Variants in PHLPP1 observed in about 807,000 individuals in gnomAD.
The protein encoded by PHLPP1 is PH domain and leucine rich repeat protein phosphatase 1.
A neutral mutation model predicts 117.2 loss-of-function variants in PHLPP1; 42 were observed. The observed-to-expected ratio is 0.36, with a 90% CI of 0.28 to 0.46. PHLPP1 has a LOEUF of 0.46. Among genes scored for constraint, PHLPP1 ranks in the 20% least tolerant of loss-of-function variants. The pLI is 1.00. For synonymous variants in PHLPP1, 1,042 were observed against 970.7 expected, an observed-to-expected ratio of 1.07 and a Z score of -1.37; for missense variants, 2,084 against 2,241.9, an observed-to-expected ratio of 0.93 and a Z score of 1.42.
intron 12 of PHLPP1, among the ~76,000 whole-genome samples, chr18:62,952,869 A>G (rs1420374607): frequency 6.6e-6 from 1 of 152,188 alleles, no homozygotes; most frequent in East Asian, 1.9e-4. Context: ...CAATCCTTCC[A>G]CAACGGTCTC....
intron 4 of PHLPP1, among the ~76,000 whole-genome samples, chr18:62,880,129 C>G (rs1466636136): frequency 2.0e-5 from 3 of 152,014 alleles, no homozygotes; most frequent in Admixed American, 6.5e-5. Flanking sequence ...AGTAAGAACT[C>G]AAGAAATGTT....
chr18:62,809,275 G>A (rs1332536085), intron 1 of PHLPP1, among the ~76,000 whole-genome samples: 1 of 152,180 alleles, frequency 6.6e-6, no homozygotes, highest in Non-Finnish European at 1.5e-5. Context: ...TGGAAATTAA[G>A]TCAGAACCTT....
intron 9 of PHLPP1, among the ~76,000 whole-genome samples, chr18:62,919,532 A>T (rs905179835): frequency 6.6e-6 from 1 of 152,246 alleles, no homozygotes; most frequent in African/African-American, 2.4e-5. Context: ...TTGATTGAAG[A>T]ACCCTTTATT....
chr18:62,951,670 A>G (rs1568172341), intron 12 of PHLPP1, among the ~76,000 whole-genome samples: 2 of 151,938 alleles, frequency 1.3e-5, no homozygotes, highest in Non-Finnish European at 1.5e-5. Flanking sequence ...TCTACTTTTT[A>G]TCATTTCTCT....
At chr18:62,869,942 C>T (rs1262833072) in intron 4 of PHLPP1, among the ~76,000 whole-genome samples, 1 of 152,206 alleles carries the variant, frequency 6.6e-6, no homozygotes, top group Non-Finnish European at 1.5e-5. Flanking sequence ...GGCTGGAGTG[C>T]AGTGGCACGA....
chr18:62,817,940 C>T (rs1215768557), intron 1 of PHLPP1, among the ~76,000 whole-genome samples: 2 of 150,072 alleles, frequency 1.3e-5, no homozygotes, highest in East Asian at 2.0e-4. Context: ...CTGCAACCTC[C>T]GCCTCCCAGG....
intron 1 of PHLPP1, among the ~76,000 whole-genome samples, chr18:62,753,153 G>A (rs1038475659): frequency 1.3e-5 from 2 of 152,160 alleles, no homozygotes; most frequent in African/African-American, 2.4e-5. Context: ...AGCTTTTTCT[G>A]TTTTGTTTTT....
At chr18:62,892,086 T>C (rs1026966713) in intron 4 of PHLPP1, among the ~76,000 whole-genome samples, 41 of 25,380 alleles carry the variant, frequency 1.6e-3, no homozygotes, top group Non-Finnish European at 5.0e-3. Flanking sequence ...TTCTTTCTTT[T>C]TTTTTTTTTT....
intron 1 of PHLPP1, among the ~76,000 whole-genome samples, chr18:62,760,343 G>A (rs1912177068): frequency 6.6e-6 from 1 of 152,006 alleles, no homozygotes; most frequent in Admixed American, 6.6e-5. Flanking sequence ...ACTTGCCTTG[G>A]CCCTGTAGGC....
At chr18:62,849,268 G>A (rs1233702747) in intron 3 of PHLPP1, among the ~76,000 whole-genome samples, 1 of 152,108 alleles carries the variant, frequency 6.6e-6, no homozygotes, top group Admixed American at 6.6e-5. Context: ...GATATATCAG[G>A]AATTTAGCGT....
chr18:62,793,827 C>T (rs1913538138), intron 1 of PHLPP1, among the ~76,000 whole-genome samples: 1 of 152,160 alleles, frequency 6.6e-6, no homozygotes, highest in Non-Finnish European at 1.5e-5. Flanking sequence ...TGCTCTACCT[C>T]CTGTGGTTTG....
At chr18:62,835,773 GTTCT>G (rs1203527691) in intron 2 of PHLPP1, among the ~76,000 whole-genome samples, 3,649 of 137,460 alleles carry the variant, frequency 0.027, 79 homozygotes, top group Non-Finnish European at 0.041. Flanking sequence ...AATTCAACTG[GTTCT>G]TTTTTTTTTT....
Position 62,978,290 on chromosome 18 carries a change from C to T in PHLPP1, c.4013C>T (p.Ser1338Phe), listed in dbSNP as rs761592944. ...GGCAAGGTGAACGGAGTGACTGAGTCCACGCGCATCCTGGGCTACACCTTC... is the reference window on the plus strand; with the variant it reads ...GGCAAGGTGAACGGAGTGACTGAGTTCACGCGCATCCTGGGCTACACCTTC... The part of the protein sequence containing the change: ...EDGKVNGVTE[S>F]TRILGYTFLH... Residue 1338 changes from serine to phenylalanine, a missense_variant, in exon 17 of 17, where the codon TCC becomes TTC. Around this residue, in one of 2 missense-constraint regions of PHLPP1, gnomAD observed 1,365 missense variants for 1,605.9 expected, o/e 0.85. Transcript: ENST00000262719. The surrounding 1 kb of genome is among the most constrained non-coding windows in gnomAD (Gnocchi z 7.0). 1.2e-6 allele frequency: 2 copies of T among 1,609,490 alleles called. No individual in the cohort carries two copies. Among genetic ancestry groups the T allele is most frequent in the Admixed American group, 3.3e-5 (2 of 59,802 alleles).
At chr18:62,842,822 T>C (rs1915087557) in intron 3 of PHLPP1, 1 of 152,184 alleles carries the variant, frequency 6.6e-6, no homozygotes, top group African/African-American at 2.4e-5. Flanking sequence ...AAGAAATGGG[T>C]GAAGGAACTC....
chr18:62,800,065 C>T lies in PHLPP1; in HGVS notation c.1577-29970C>T, dbSNP rs542538464. Among the ~76,000 whole-genome samples, 19 of 152,266 alleles carry T rather than the reference C, an allele frequency of 1.2e-4. No homozygotes were observed. In the South Asian group the frequency reaches 3.3e-3, roughly 27 times the overall value. On this transcript the variant is annotated intron_variant, in intron 1 of 16. Coordinates refer to ENST00000262719, the MANE Select transcript of PHLPP1 (RefSeq NM_194449.4). ...AGAACCTAGCAGGAGATGCTAGACC[C>T]TTTAGCTAGAGCTGACTGCACCTTG...
chr18:62,946,661 G>A (rs1263228843), intron 12 of PHLPP1, among the ~76,000 whole-genome samples: 3 of 152,196 alleles, frequency 2.0e-5, no homozygotes, highest in East Asian at 3.8e-4. Flanking sequence ...GTGTGCGCAC[G>A]CATGTGCACG....
chr18:62,766,074 A>ATATAT (rs1184323933), intron 1 of PHLPP1, among the ~76,000 whole-genome samples: 8 of 18,238 alleles, frequency 4.4e-4, no homozygotes, highest in South Asian at 2.0e-3. Context: ...AAAAAAAAAA[A>ATATAT]AAATATATAT....
intron 2 of PHLPP1, among the ~76,000 whole-genome samples, chr18:62,830,919 G>A (rs1252733875): frequency 6.6e-6 from 1 of 152,190 alleles, no homozygotes; most frequent in Non-Finnish European, 1.5e-5. Context: ...GAGGGTTTGA[G>A]TCTATAGTGC....
At chr18:62,751,399 A>C (rs575421206) in intron 1 of PHLPP1, among the ~76,000 whole-genome samples, 1 of 152,302 alleles carries the variant, frequency 6.6e-6, no homozygotes, top group South Asian at 2.1e-4. Flanking sequence ...TTGTACTTCA[A>C]CTTCCTCCTG....
Sources: allele counts gnomAD v4.1 joint callset (sites outside exome capture counted in the v4.1 genomes callset), GRCh38; gene constraint gnomAD v4.1.1; regional missense constraint gnomAD v4.1.1; non-coding constraint Gnocchi (gnomAD v3.1); transcripts MANE v1.5; gene names NCBI Gene and HGNC (gene_info 2026-07-23, HGNC 2026-07-21).